The following NRG3 variants were observed in gnomAD, a reference collection of about 807,000 sequenced individuals.
NRG3 encodes the protein neuregulin 3, also known as pro-neuregulin-3, membrane-bound isoform.
Under a neutral mutation model 66.9 loss-of-function variants are expected in NRG3, and 31 were observed. The ratio of observed to expected loss-of-function variants is 0.46; its 90% confidence interval spans 0.35 to 0.63. NRG3 has a LOEUF of 0.63. Ranked by LOEUF, NRG3 falls within the 20% of genes least tolerant of loss-of-function variation. NRG3 has a pLI of 0.00. For synonymous variants in NRG3, 393 were observed against 359.4 expected, an observed-to-expected ratio of 1.09 and a Z score of -1.06; for missense variants, 910 against 878.9, an observed-to-expected ratio of 1.04 and a Z score of -0.45.
intron 1 of NRG3, among the ~76,000 whole-genome samples, chr10:82,294,325 A>G (rs2079923886): frequency 6.6e-6 from 1 of 152,182 alleles, no homozygotes; most frequent in Admixed American, 6.5e-5. Context: ...TATAAATGGA[A>G]AGCATTGAGT....
In NRG3 at chr10:82,342,241, C is replaced by G. The variant is rs191594610; in HGVS notation, c.824-16498C>G. ...GCCAAAAATATGCAAGTACAGATAT[C>G]TTTTTGATATAATAATGATTTCTTT... On this transcript the variant is annotated intron_variant, in intron 1 of 8. Transcript: ENST00000372141. Among the ~76,000 whole-genome samples the G allele has an allele frequency of 5.9e-5, 9 of 151,962 alleles. No homozygotes were observed. The East Asian group carries it at 1.7e-3, about 29-fold the overall frequency.
chr10:82,265,709 A>G (rs2078261756), intron 1 of NRG3, among the ~76,000 whole-genome samples: 1 of 152,218 alleles, frequency 6.6e-6, no homozygotes, highest in Non-Finnish European at 1.5e-5. Flanking sequence ...CAATTATGGC[A>G]GTAGCCTTAT....
chr10:82,128,968 C>T (rs1390068102), intron 1 of NRG3, among the ~76,000 whole-genome samples: 1 of 151,846 alleles, frequency 6.6e-6, no homozygotes, highest in African/African-American at 2.4e-5. Context: ...GGCTGGAGTG[C>T]AGTGGCGTGA....
intron 2 of NRG3, among the ~76,000 whole-genome samples, chr10:82,656,217 G>A (rs1478380196): frequency 6.6e-6 from 1 of 151,602 alleles, no homozygotes; most frequent in Non-Finnish European, 1.5e-5. Context: ...AAAAAATTGA[G>A]CAATATATTG....
chr10:82,704,195 T>G (rs181474606), intron 2 of NRG3, among the ~76,000 whole-genome samples: 4 of 152,220 alleles, frequency 2.6e-5, no homozygotes, highest in African/African-American at 9.6e-5. Context: ...TGCTAGCTCT[T>G]CCTTTCAGAT....
chr10:82,879,629 C>T (rs1240821825), intron 4 of NRG3, among the ~76,000 whole-genome samples: 1 of 152,044 alleles, frequency 6.6e-6, no homozygotes, highest in Non-Finnish European at 1.5e-5. Context: ...CCCGCCACCA[C>T]ACCCGGCTAA....
chr10:82,923,691 A>T (rs1389292368), intron 4 of NRG3, among the ~76,000 whole-genome samples: 1 of 151,620 alleles, frequency 6.6e-6, no homozygotes, highest in African/African-American at 2.4e-5. Context: ...GGCAATTAGC[A>T]TTAGGAAAGC....
chr10:82,914,312 CAGATTT>C (rs984746115), intron 4 of NRG3, among the ~76,000 whole-genome samples: 5 of 152,060 alleles, frequency 3.3e-5, no homozygotes, highest in African/African-American at 1.2e-4. Context: ...TTTGTCTCTT[CAGATTT>C]AATTTTTTTT....
intron 1 of NRG3, among the ~76,000 whole-genome samples, chr10:82,289,966 A>G (rs1257521255): frequency 6.6e-6 from 1 of 152,140 alleles, no homozygotes. Context: ...CCGAATTTTG[A>G]CTATATTTTG....
At chr10:82,508,942 T>C (rs1203795954) in intron 2 of NRG3, among the ~76,000 whole-genome samples, 1 of 152,082 alleles carries the variant, frequency 6.6e-6, no homozygotes, top group African/African-American at 2.4e-5. Context: ...AGTGACAGAG[T>C]TTTCCTAGTG....
intron 2 of NRG3, among the ~76,000 whole-genome samples, chr10:82,439,520 G>C (rs1159217690): frequency 6.6e-6 from 1 of 151,810 alleles, no homozygotes; most frequent in Non-Finnish European, 1.5e-5. Context: ...TAACTCTTTA[G>C]TAATTTCTAG....
chr10:82,858,427 G>A (rs1299652045), intron 3 of NRG3, among the ~76,000 whole-genome samples: 4 of 152,016 alleles, frequency 2.6e-5, no homozygotes, highest in Admixed American at 6.6e-5. Context: ...CTCTTATCTC[G>A]GAGCAAGAAC....
chr10:82,692,744 A>G (rs2055040880), intron 2 of NRG3, among the ~76,000 whole-genome samples: 1 of 152,178 alleles, frequency 6.6e-6, no homozygotes, highest in South Asian at 2.1e-4. Context: ...TGCACAAAAC[A>G]TCTGGTGTAA....
At chr10:81,945,284 CTT>C (rs1219799791) in intron 1 of NRG3, among the ~76,000 whole-genome samples, 3 of 151,972 alleles carry the variant, frequency 2.0e-5, no homozygotes, top group Non-Finnish European at 2.9e-5. Context: ...CCTCCTCCTT[CTT>C]TTTCCTTCTT....
chr10:82,533,616 A>C (rs1298866170), intron 2 of NRG3, among the ~76,000 whole-genome samples: 1 of 152,176 alleles, frequency 6.6e-6, no homozygotes, highest in African/African-American at 2.4e-5. Flanking sequence ...ATATATGAAA[A>C]GTTTACAGCT....
chr10:82,312,255 G>A (rs879538089), intron 1 of NRG3, among the ~76,000 whole-genome samples: 4 of 152,170 alleles, frequency 2.6e-5, no homozygotes, highest in Admixed American at 2.6e-4. Context: ...ATTTACATAA[G>A]TGTTGGAAGC....
intron 2 of NRG3, among the ~76,000 whole-genome samples, chr10:82,369,995 G>A (rs1183577785): frequency 1.4e-5 from 2 of 138,486 alleles, no homozygotes; most frequent in East Asian, 2.2e-4. Flanking sequence ...GTGCAGAGGC[G>A]GGGGCAGGTG....
intron 1 of NRG3, among the ~76,000 whole-genome samples, chr10:81,964,395 CAA>C (rs58231167): frequency 0.079 from 5,171 of 65,760 alleles, 132 homozygotes; most frequent in East Asian, 0.2. Flanking sequence ...GACTCTGTCT[CAA>C]AAAAAAAAAA....
At chr10:82,435,579 C>T (rs1192032554) in intron 2 of NRG3, among the ~76,000 whole-genome samples, 2 of 152,000 alleles carry the variant, frequency 1.3e-5, no homozygotes, top group Non-Finnish European at 2.9e-5. Flanking sequence ...CTAATATGGG[C>T]ATTTACTGCT....
Sources: allele counts gnomAD v4.1 joint callset (sites outside exome capture counted in the v4.1 genomes callset), GRCh38; gene constraint gnomAD v4.1.1; transcripts MANE v1.5; gene names NCBI Gene and HGNC (gene_info 2026-07-23, HGNC 2026-07-21).